Variants in LPP observed in about 807,000 individuals in gnomAD.
The protein encoded by LPP is LIM domain containing preferred translocation partner in lipoma, also known as lipoma-preferred partner.
Under a neutral mutation model 60.4 loss-of-function variants are expected in LPP, and 38 were observed. The ratio of observed to expected loss-of-function variants is 0.63; its 90% CI spans 0.49 to 0.83. The LOEUF is 0.83. Among genes scored for constraint, LPP ranks in the 40% least tolerant of loss-of-function variants. The pLI, the probability that LPP is intolerant of heterozygous loss-of-function variation, is 0.00. For missense variants in LPP, 902 were observed against 783.6 expected (o/e 1.15, Z -1.80); for synonymous variants, 328 against 290.8 (o/e 1.13, Z -1.30).
chr3:188,289,979 G>A (rs1467555088), intron 2 of LPP, among the ~76,000 whole-genome samples: 2 of 151,606 alleles, frequency 1.3e-5, no homozygotes, highest in Non-Finnish European at 2.9e-5. Flanking sequence ...TCTTGGAAGT[G>A]CTCATAAACA....
At chr3:188,227,080 C>A (rs1489286666) in intron 2 of LPP, among the ~76,000 whole-genome samples, 1 of 152,050 alleles carries the variant, frequency 6.6e-6, no homozygotes, top group Non-Finnish European at 1.5e-5. Flanking sequence ...AAGCTTTGCA[C>A]TTGGACTTAA....
intron 9 of LPP, among the ~76,000 whole-genome samples, chr3:188,810,358 G>T (rs1260254526): frequency 6.6e-6 from 1 of 151,980 alleles, no homozygotes; most frequent in Non-Finnish European, 1.5e-5. Context: ...CCACTTATCA[G>T]TAGTTTTGCC....
intron 8 of LPP, among the ~76,000 whole-genome samples, chr3:188,750,912 A>G (rs538693820): frequency 1.3e-5 from 2 of 152,290 alleles, no homozygotes; most frequent in South Asian, 2.1e-4. Context: ...CTAACTTTAC[A>G]TGGTCTTAAG....
At chr3:188,495,153 T>C (rs922108071) in intron 5 of LPP, among the ~76,000 whole-genome samples, 1 of 116,190 alleles carries the variant, frequency 8.6e-6, no homozygotes, top group African/African-American at 3.2e-5. Context: ...ATATTATATT[T>C]ATATTTATTT....
chr3:188,591,784 CACA>C (rs1838765569), intron 6 of LPP, among the ~76,000 whole-genome samples: 2 of 152,180 alleles, frequency 1.3e-5, no homozygotes, highest in African/African-American at 4.8e-5. Flanking sequence ...TAATGGTACT[CACA>C]ACAACAATAA....
chr3:188,854,922 C>A (rs996326463), intron 9 of LPP, among the ~76,000 whole-genome samples: 1 of 152,206 alleles, frequency 6.6e-6, no homozygotes, highest in Admixed American at 6.5e-5. Flanking sequence ...CATTTCTAGT[C>A]TCTGCTTGCA....
chr3:188,312,021 A>C (rs1753623849), intron 2 of LPP, among the ~76,000 whole-genome samples: 1 of 152,232 alleles, frequency 6.6e-6, no homozygotes, highest in Admixed American at 6.5e-5. Context: ...TATAAAATTC[A>C]AAACTATGCA....
chr3:188,318,969 G>A (rs983764396), intron 2 of LPP, among the ~76,000 whole-genome samples: 8 of 151,366 alleles, frequency 5.3e-5, no homozygotes, highest in Non-Finnish European at 7.4e-5. Context: ...CGTTTTAGCC[G>A]GGATGGTCTC....
In LPP at chr3:188,609,733, T is replaced by G. The variant is rs1461101344; in HGVS notation, c.1002T>G (p.Pro334=). ...NTWKREPGYT[P]PGAGNQNPPG... ...GGAAACGGGAACCAGGGTACACTCC[T>G]CCTGGAGCAGGGAACCAGAACCCTC... Residue 334 remains proline (P), a synonymous_variant, in exon 7 of 12, where the codon CCT becomes CCG. Coordinates refer to ENST00000617246, the MANE Select transcript of LPP (RefSeq NM_001375462.1). The surrounding 1 kb of genome is among the most constrained non-coding windows in gnomAD (Gnocchi z 6.9). 1.2e-6 allele frequency: 2 copies of G among 1,614,094 alleles called. No homozygotes were observed. The highest frequency in any genetic ancestry group is 4.5e-5 in the East Asian group (2 of 44,866).
At chr3:188,647,101 A>G (rs952402175) in intron 7 of LPP, among the ~76,000 whole-genome samples, 7 of 152,234 alleles carry the variant, frequency 4.6e-5, no homozygotes, top group Admixed American at 1.3e-4. Flanking sequence ...TAACAGTTGG[A>G]ACCCCTGTTT....
chr3:188,811,935 G>A (rs1751119663), intron 9 of LPP, among the ~76,000 whole-genome samples: 1 of 152,056 alleles, frequency 6.6e-6, no homozygotes, highest in Admixed American at 6.6e-5. Context: ...TCACATCACG[G>A]AGAATGGGGT....
At chr3:188,494,317 T>C (rs953715672) in intron 5 of LPP, among the ~76,000 whole-genome samples, 10 of 152,108 alleles carry the variant, frequency 6.6e-5, no homozygotes, top group African/African-American at 2.4e-4. Context: ...GGCCAGCGCT[T>C]ATGTATATTG....
intron 1 of LPP, among the ~76,000 whole-genome samples, chr3:188,208,728 G>GTAGACA (rs1331773446): frequency 6.6e-6 from 1 of 152,184 alleles, no homozygotes; most frequent in African/African-American, 2.4e-5. Context: ...GAGCCTTCCT[G>GTAGACA]TAGACATATG....
intron 3 of LPP, among the ~76,000 whole-genome samples, chr3:188,381,361 T>C (rs1446685478): frequency 1.3e-5 from 2 of 152,214 alleles, no homozygotes; most frequent in East Asian, 3.8e-4. Context: ...TTTCCTTTCT[T>C]TCTTCAGCAA....
chr3:188,863,778 A>C (rs950469813), intron 9 of LPP, among the ~76,000 whole-genome samples: 4 of 152,026 alleles, frequency 2.6e-5, no homozygotes, highest in Admixed American at 2.6e-4. Context: ...TGTTTGTATT[A>C]CCTGTTCTTT....
At chr3:188,643,076 G>A (rs897603147) in intron 7 of LPP, among the ~76,000 whole-genome samples, 6 of 152,166 alleles carry the variant, frequency 3.9e-5, no homozygotes, top group African/African-American at 1.4e-4. Context: ...GACTAGGAAT[G>A]AATGAGAGGA....
At chr3:188,310,311 G>T (rs1752996391) in intron 2 of LPP, among the ~76,000 whole-genome samples, 1 of 151,420 alleles carries the variant, frequency 6.6e-6, no homozygotes, top group South Asian at 2.1e-4. Flanking sequence ...TGTCTGCAGT[G>T]ATATGAGGCA....
intron 2 of LPP, among the ~76,000 whole-genome samples, chr3:188,322,351 G>T (rs1757188209): frequency 6.6e-6 from 1 of 152,074 alleles, no homozygotes; most frequent in Admixed American, 6.6e-5. Flanking sequence ...CTTCTTCACT[G>T]CATGCCCTGG....
intron 3 of LPP, among the ~76,000 whole-genome samples, chr3:188,372,876 G>T (rs1043819580): frequency 3.3e-5 from 5 of 151,624 alleles, no homozygotes; most frequent in Admixed American, 2.6e-4. Flanking sequence ...CCCCACAACA[G>T]GCCCCGGTGT....
Sources: allele counts gnomAD v4.1 joint callset (sites outside exome capture counted in the v4.1 genomes callset), GRCh38; gene constraint gnomAD v4.1.1; non-coding constraint Gnocchi (gnomAD v3.1); transcripts MANE v1.5; gene names NCBI Gene and HGNC (gene_info 2026-07-23, HGNC 2026-07-21).